PLCE1: variants seen among roughly 807,000 people sequenced by gnomAD.
The protein encoded by PLCE1 is phospholipase C epsilon 1, also known as 1-phosphatidylinositol 4,5-bisphosphate phosphodiesterase epsilon-1.
A neutral mutation model predicts 242.8 loss-of-function variants in PLCE1; 119 were observed. The observed-to-expected ratio is 0.49, with a 90% CI of 0.42 to 0.57. PLCE1 has a LOEUF of 0.57. Ranked by LOEUF, PLCE1 falls within the 20% of genes least tolerant of loss-of-function variation. PLCE1 has a pLI of 0.00. For synonymous variants in PLCE1, 945 were observed against 1,017.4 expected, an observed-to-expected ratio of 0.93 and a Z score of 1.35; for missense variants, 2,441 against 2,788.8, an observed-to-expected ratio of 0.88 and a Z score of 2.81.
At chr10:94,257,609 A>T (rs1200024665) in intron 11 of PLCE1, among the ~76,000 whole-genome samples, 1 of 152,222 alleles carries the variant, frequency 6.6e-6, no homozygotes, top group Non-Finnish European at 1.5e-5. Flanking sequence ...GATGAGCTTC[A>T]TGTCCTTTGT....
At chr10:94,239,566 G>T (rs556065789) in intron 7 of PLCE1, among the ~76,000 whole-genome samples, 1 of 152,092 alleles carries the variant, frequency 6.6e-6, no homozygotes, top group Non-Finnish European at 1.5e-5. Context: ...GTGTGAAAAT[G>T]GACTAATACA....
intron 7 of PLCE1, among the ~76,000 whole-genome samples, chr10:94,239,101 CG>C (rs1461588443): frequency 6.6e-6 from 1 of 152,134 alleles, no homozygotes; most frequent in Non-Finnish European, 1.5e-5. Flanking sequence ...GCAAATTGCA[CG>C]GCATACTATA....
intron 27 of PLCE1, among the ~76,000 whole-genome samples, chr10:94,310,274 T>A (rs1188152964): frequency 6.6e-6 from 1 of 152,206 alleles, no homozygotes; most frequent in African/African-American, 2.4e-5. Context: ...TCTGCCCTTC[T>A]CCTGCCCTCA....
At chr10:94,121,446 T>G (rs1272785175) in intron 2 of PLCE1, among the ~76,000 whole-genome samples, 1 of 152,110 alleles carries the variant, frequency 6.6e-6, no homozygotes, top group African/African-American at 2.4e-5. Flanking sequence ...TGATGGCTTT[T>G]GGGGGTAGGA....
chr10:94,038,920 C>T (rs1212899133), intron 2 of PLCE1, among the ~76,000 whole-genome samples: 2 of 152,186 alleles, frequency 1.3e-5, no homozygotes, highest in East Asian at 3.9e-4. Flanking sequence ...TAAGGAACCA[C>T]TAATCCACTT....
chr10:94,036,887 C>A (rs1317811348), intron 2 of PLCE1, among the ~76,000 whole-genome samples: 19 of 152,092 alleles, frequency 1.2e-4, no homozygotes, highest in Admixed American at 1.2e-3. Context: ...CCACTGGCTC[C>A]TGTATTATCA....
In PLCE1 at chr10:94,265,955, C is replaced by T; in HGVS notation, c.4278C>T (p.Ser1426=). The T allele has an allele frequency of 6.2e-7, 1 of 1,613,752 alleles. No individual in the cohort carries two copies. Among genetic ancestry groups the T allele is most frequent in the South Asian group, 1.1e-5 (1 of 91,070 alleles). Reference sequence around the variant, plus strand: ...GAGAATCCTCGGTAGAACTCTACAGCCAGGTACAGGGAATGCCACTTGGAA... The same window carrying T: ...GAGAATCCTCGGTAGAACTCTACAGTCAGGTACAGGGAATGCCACTTGGAA... ...LKGESSVELY[S]QVLLQGCRSV... is the part of the protein sequence containing the mutation. Residue 1426 remains serine (S), a synonymous_variant, in exon 16 of 33, where the codon AGC becomes AGT. Transcript: ENST00000371380.
At chr10:94,212,343 G>A (rs538418511) in intron 4 of PLCE1, among the ~76,000 whole-genome samples, 12 of 152,276 alleles carry the variant, frequency 7.9e-5, no homozygotes, top group South Asian at 4.1e-4. Flanking sequence ...TGCAAGCTCC[G>A]CCTCCCGGGT....
At chr10:94,190,624 C>T (rs1161632911) in intron 4 of PLCE1, among the ~76,000 whole-genome samples, 11 of 152,264 alleles carry the variant, frequency 7.2e-5, no homozygotes, top group African/African-American at 1.4e-4. Context: ...ACAACAACAA[C>T]GAAAGATAAT....
chr10:94,234,315 A>G lies in PLCE1; in HGVS notation c.2214+3A>G. ...ATTCCCAAGAAGAAACTTTAGAGGT[A>G]AGGCCTTTCAGAATCATCGTGGCCT... is the stretch of plus-strand genomic sequence containing the variant. On this transcript the variant is annotated splice_donor_region_variant and intron_variant, in intron 6 of 32. Transcript: ENST00000371380. 1.9e-6 allele frequency: 3 copies of G among 1,613,696 alleles called. No homozygotes were observed. The highest frequency in any genetic ancestry group is 2.5e-6 in the Non-Finnish European group (3 of 1,179,920).
chr10:94,071,031 C>A (rs1030967752), intron 2 of PLCE1, among the ~76,000 whole-genome samples: 5 of 152,174 alleles, frequency 3.3e-5, no homozygotes, highest in African/African-American at 1.2e-4. Flanking sequence ...AGGAGAGCTT[C>A]CCCTTTCACA....
chr10:94,110,147 C>T (rs1301984235), intron 2 of PLCE1, among the ~76,000 whole-genome samples: 1 of 130,180 alleles, frequency 7.7e-6, no homozygotes, highest in Non-Finnish European at 1.6e-5. Flanking sequence ...ACTGCAAGGT[C>T]CACCTCCTGG....
chr10:94,154,844 G>T (rs766627316), intron 3 of PLCE1, among the ~76,000 whole-genome samples: 1 of 150,552 alleles, frequency 6.6e-6, no homozygotes, highest in African/African-American at 2.4e-5. Flanking sequence ...TTCAAGCCCA[G>T]CCTAGTCAAC....
intron 4 of PLCE1, among the ~76,000 whole-genome samples, chr10:94,218,386 G>C (rs1282960530): frequency 6.6e-6 from 1 of 152,116 alleles, no homozygotes; most frequent in East Asian, 1.9e-4. Flanking sequence ...ATGATTTCCA[G>C]CTAGAGTTAG....
intron 2 of PLCE1, among the ~76,000 whole-genome samples, chr10:94,040,269 T>A (rs1437871203): frequency 2.0e-5 from 3 of 152,216 alleles, no homozygotes; most frequent in South Asian, 4.1e-4. Context: ...AATGTGATTT[T>A]AAAAATTTTC....
At chr10:94,252,804 AG>A (rs2050927184) in intron 9 of PLCE1, among the ~76,000 whole-genome samples, 1 of 152,156 alleles carries the variant, frequency 6.6e-6, no homozygotes, top group South Asian at 2.1e-4. Context: ...GCTGAGGGGC[AG>A]GCACAGAGGG....
At chr10:94,133,465 G>A (rs778994465) in intron 3 of PLCE1, among the ~76,000 whole-genome samples, 2 of 152,220 alleles carry the variant, frequency 1.3e-5, no homozygotes, top group Non-Finnish European at 2.9e-5. Flanking sequence ...CAGGGACCAT[G>A]CAAAGCAGCA....
intron 29 of PLCE1, among the ~76,000 whole-genome samples, chr10:94,321,539 A>T (rs2053801056): frequency 6.6e-6 from 1 of 151,788 alleles, no homozygotes; most frequent in Admixed American, 6.6e-5. Context: ...GAGGCAGGAG[A>T]ATTGCTTGAA....
At chr10:94,280,995 C>G (rs2052189541) in intron 20 of PLCE1, among the ~76,000 whole-genome samples, 1 of 152,182 alleles carries the variant, frequency 6.6e-6, no homozygotes, top group Admixed American at 6.5e-5. Context: ...CAATTAAAAG[C>G]CAGTTTGCTA....
Sources: allele counts gnomAD v4.1 joint callset (sites outside exome capture counted in the v4.1 genomes callset), GRCh38; gene constraint gnomAD v4.1.1; transcripts MANE v1.5; gene names NCBI Gene and HGNC (gene_info 2026-07-23, HGNC 2026-07-21).